ZNF527: variants seen among roughly 807,000 people sequenced by gnomAD.
ZNF527 encodes the protein zinc finger protein 527.
A neutral mutation model predicts 13.5 loss-of-function variants in ZNF527; 5 were observed. The ratio of observed to expected loss-of-function variants is 0.37; its 90% confidence interval spans 0.19 to 0.78. ZNF527 has a LOEUF of 0.78. ZNF527 is among the 30% of genes least tolerant of loss of function. The pLI is 0.48. For missense variants in ZNF527, 628 were observed against 726.4 expected (o/e 0.86, Z 1.56); for synonymous variants, 209 against 243.1 (o/e 0.86, Z 1.30).
At chr19:37,374,713 G>A (rs1282222007) in intron 2 of ZNF527, among the ~76,000 whole-genome samples, 2 of 152,224 alleles carry the variant, frequency 1.3e-5, no homozygotes, top group South Asian at 2.1e-4. Flanking sequence ...AATGAGCACT[G>A]TGATGTCAGA....
rs2040766011 is a variant in ZNF527, at chr19:37,392,889, C to T, written c.*3010C>T. On this transcript the variant is annotated 3_prime_UTR_variant, in exon 5 of 5. Coordinates refer to ENST00000436120, the MANE Select transcript of ZNF527 (RefSeq NM_032453.2). ...CACAATGAAGTACTAAATTTTGTTT[C>T]TTTTCAACTGTACAACCCATTGTCT... 6.6e-6 allele frequency: 1 copy of T among 152,060 alleles called. No individual in the cohort carries two copies. The highest frequency in any genetic ancestry group is 2.1e-4 in the South Asian group (1 of 4,822). The allele number at this position is 152,060 out of a possible 1,614,324, so 9.4% of individuals were successfully genotyped here.
At chr19:37,384,409 G>C (rs1568695829) in intron 4 of ZNF527, among the ~76,000 whole-genome samples, 1 of 152,050 alleles carries the variant, frequency 6.6e-6, no homozygotes, top group Non-Finnish European at 1.5e-5. Context: ...GAGGTAGGAG[G>C]GTCACTTAAG....
chr19:37,374,088 T>C (rs1308907643), intron 1 of ZNF527, 70 bp from the exon 2 acceptor site: 1 of 1,034,900 alleles, frequency 9.7e-7, no homozygotes, highest in Non-Finnish European at 1.5e-6. Context: ...GCAGTAGTAT[T>C]TTTGTGGGTC....
intron 4 of ZNF527, among the ~76,000 whole-genome samples, chr19:37,383,788 C>T (rs534398203): frequency 5.9e-5 from 9 of 151,662 alleles, no homozygotes; most frequent in South Asian, 2.1e-4. Flanking sequence ...CCACCTGCTT[C>T]GGCCTCCCAA....
At chr19:37,377,232 G>C (rs1299206717) in intron 2 of ZNF527, among the ~76,000 whole-genome samples, 1 of 152,180 alleles carries the variant, frequency 6.6e-6, no homozygotes, top group Non-Finnish European at 1.5e-5. Context: ...AAAAGGGAGA[G>C]AGGCGAAAAT....
intron 2 of ZNF527, among the ~76,000 whole-genome samples, chr19:37,378,403 A>T (rs1600265129): frequency 6.6e-6 from 1 of 152,140 alleles, no homozygotes; most frequent in African/African-American, 2.4e-5. Context: ...TAAGCACTGA[A>T]TACTCTTTCT....
At position 37,374,178 on chromosome 19, in the gene ZNF527, G is replaced by A. The variant is rs2040580980; in HGVS notation, c.-21G>A. On this transcript the variant is annotated 5_prime_UTR_variant, in exon 2 of 5. Coordinates refer to ENST00000436120, the MANE Select transcript of ZNF527 (RefSeq NM_032453.2). ...CTCAGGACTTTGTTCTTCTTCAGAA[G>A]AGAAAACTGAAGAAGGAGGAATGGC... 3 of 1,612,412 alleles carry A rather than the reference G, an allele frequency of 1.9e-6. No individual in the cohort carries two copies. Among genetic ancestry groups the A allele is most frequent in the Non-Finnish European group, 2.5e-6 (3 of 1,178,670 alleles).
rs1012776729 is a variant in ZNF527, at chr19:37,392,221, A to G, written c.*2342A>G. 2.0e-5 allele frequency: 3 copies of G among 152,068 alleles called. No individual in the cohort carries two copies. Among genetic ancestry groups the G allele is most frequent in the Non-Finnish European group, 4.4e-5 (3 of 68,008 alleles). 9.4% of individuals were successfully genotyped at this position (152,068 alleles called of 1,614,324 possible). A position where few individuals can be genotyped will look rare whatever the true frequency, so the allele number is the denominator to read the frequency against. On this transcript the variant is annotated 3_prime_UTR_variant, in exon 5 of 5. Coordinates refer to ENST00000436120, the MANE Select transcript of ZNF527 (RefSeq NM_032453.2). ...TCATGTCATCATTTCTTTATTTTTT[A>G]TTATATTTCCTGGAGGTATAAGGAT... is the stretch of plus-strand genomic sequence containing the variant.
At chr19:37,378,984 C>A in intron 2 of ZNF527, 136 bp from the exon 3 acceptor site, 3 of 911,578 alleles carry the variant, frequency 3.3e-6, no homozygotes, top group Non-Finnish European at 4.9e-6. Context: ...ATTTGACAAA[C>A]CTCAGCATGT....
intron 4 of ZNF527, among the ~76,000 whole-genome samples, chr19:37,384,315 C>T (rs747882501): frequency 6.6e-6 from 1 of 152,006 alleles, no homozygotes; most frequent in Non-Finnish European, 1.5e-5. Flanking sequence ...AAGACTCCAT[C>T]TCGGAAAAAA....
At chr19:37,386,913 G>C (rs1336423356) in intron 4 of ZNF527, among the ~76,000 whole-genome samples, 1 of 152,190 alleles carries the variant, frequency 6.6e-6, no homozygotes, top group Non-Finnish European at 1.5e-5. Flanking sequence ...TGTATTTCTA[G>C]GGAAAGAATG....
chr19:37,372,789 A>G (rs892296232), intron 1 of ZNF527, among the ~76,000 whole-genome samples: 2 of 152,020 alleles, frequency 1.3e-5, no homozygotes, highest in Non-Finnish European at 2.9e-5. Context: ...TATTTTTACA[A>G]TGAAGAAATG....
chr19:37,374,482 A>T (rs185352888), intron 2 of ZNF527, among the ~76,000 whole-genome samples: 2 of 152,222 alleles, frequency 1.3e-5, no homozygotes, highest in Non-Finnish European at 2.9e-5. Context: ...TGCAAGTGAA[A>T]TAAGGGATAG....
chr19:37,384,402 G>A (rs2040680801), intron 4 of ZNF527, among the ~76,000 whole-genome samples: 1 of 152,060 alleles, frequency 6.6e-6, no homozygotes, highest in Non-Finnish European at 1.5e-5. Flanking sequence ...GGAGACTGAG[G>A]TAGGAGGGTC....
intron 2 of ZNF527, among the ~76,000 whole-genome samples, chr19:37,376,561 C>T (rs1329445743): frequency 6.6e-6 from 1 of 151,554 alleles, no homozygotes; most frequent in African/African-American, 2.4e-5. Flanking sequence ...GTAATCCCAG[C>T]TACTCAGGAG....
At chr19:37,376,160 G>C (rs2040606112) in intron 2 of ZNF527, among the ~76,000 whole-genome samples, 1 of 151,956 alleles carries the variant, frequency 6.6e-6, no homozygotes, top group Admixed American at 6.6e-5. Flanking sequence ...GCAACACAGG[G>C]AGACTCCATC....
chr19:37,372,863 A>C (rs140547321), intron 1 of ZNF527, among the ~76,000 whole-genome samples: 312 of 152,244 alleles, frequency 2.0e-3, no homozygotes, highest in African/African-American at 6.7e-3. Flanking sequence ...TTAGTATTAA[A>C]ATTTGGCGAT....
chr19:37,389,268 A>G lies in ZNF527; in HGVS notation c.1219A>G (p.Ile407Val), dbSNP rs1181867719. Residue 407 changes from isoleucine (I) to valine (V), a missense_variant, in exon 5 of 5, where the codon ATT becomes GTT. By Grantham distance (29) the Ile-to-Val change is conservative. Coordinates refer to ENST00000436120, the MANE Select transcript of ZNF527 (RefSeq NM_032453.2). Reference sequence around the variant, plus strand: ...TGCTCACCTTAATCAACATCAGAGGATTCACACTGGAGAGAAACCCTATGA... The same window carrying G: ...TGCTCACCTTAATCAACATCAGAGGGTTCACACTGGAGAGAAACCCTATGA... ...QSAHLNQHQRIHTGEKPYECN... is the reference protein window; with the variant it reads ...QSAHLNQHQRVHTGEKPYECN... 3.7e-6 allele frequency: 6 copies of G among 1,614,232 alleles called. No individual in the cohort carries two copies. Among genetic ancestry groups the G allele is most frequent in the Non-Finnish European group, 5.1e-6 (6 of 1,180,036 alleles).
rs1014069617 is a variant in ZNF527 at position 37,376,357 on chromosome 19, T to TA, written c.33+2135dup. Among the ~76,000 whole-genome samples, 9 of 149,290 alleles carry TA rather than the reference T, an allele frequency of 6.0e-5. No individual in the cohort carries two copies. In the East Asian group the frequency reaches 7.9e-4, roughly 13 times the overall value. ...ACAGAAACAGAGTGAGACCCTGTCT[T>TA]AAAAAAAAATAAAAAATAAAAATAA... is the stretch of plus-strand genomic sequence containing the variant. On this transcript the variant is annotated intron_variant, in intron 2 of 4. Coordinates refer to ENST00000436120, the MANE Select transcript of ZNF527 (RefSeq NM_032453.2).
Sources: allele counts gnomAD v4.1 joint callset (sites outside exome capture counted in the v4.1 genomes callset), GRCh38; gene constraint gnomAD v4.1.1; transcripts MANE v1.5; gene names NCBI Gene and HGNC (gene_info 2026-07-23, HGNC 2026-07-21).